The following WDR12 variants were observed in gnomAD, a reference collection of about 807,000 sequenced individuals.
The protein encoded by WDR12 is WD repeat domain 12.
In WDR12, 42 loss-of-function variants were observed where a neutral mutation model predicts 64.3. The ratio of observed to expected loss-of-function variants is 0.65; its 90% confidence interval spans 0.51 to 0.84. The LOEUF (loss-of-function observed/expected upper bound fraction) is 0.84. WDR12 is among the 40% of genes least tolerant of loss of function. WDR12 has a pLI of 0.00. For missense variants in WDR12, 469 were observed against 494.6 expected, an observed-to-expected ratio of 0.95 and a Z score of 0.49; for synonymous variants, 158 against 173.3, an observed-to-expected ratio of 0.91 and a Z score of 0.70.
intron 1 of WDR12, among the ~76,000 whole-genome samples, chr2:202,909,501 A>C (rs1688524419): frequency 6.6e-6 from 1 of 152,186 alleles, no homozygotes. Context: ...AGAGCTAGAA[A>C]GTAGATCAGT....
At chr2:202,890,399 G>A (rs1421009703) in intron 8 of WDR12, among the ~76,000 whole-genome samples, 1 of 152,232 alleles carries the variant, frequency 6.6e-6, no homozygotes, top group African/African-American at 2.4e-5. Flanking sequence ...AGGCAGGCTA[G>A]AGGCAGACAT....
chr2:202,882,841 G>A, intron 11 of WDR12, 58 bp from the exon 12 acceptor site: 2 of 1,537,434 alleles, frequency 1.3e-6, no homozygotes, highest in Non-Finnish European at 1.8e-6. Context: ...ACAAACATTT[G>A]AATAATCACT....
chr2:202,889,200 G>T (rs1231979797), intron 8 of WDR12, among the ~76,000 whole-genome samples: 1 of 152,078 alleles, frequency 6.6e-6, no homozygotes, highest in African/African-American at 2.4e-5. Context: ...TCTCTCAAAC[G>T]AAATGAACTA....
At chr2:202,895,921 A>G in intron 6 of WDR12, 144 bp downstream of exon 6, 3 of 899,242 alleles carry the variant, frequency 3.3e-6, no homozygotes, top group Non-Finnish European at 5.0e-6. Context: ...TTGTATGAGT[A>G]TTTACTCTTG....
rs977589733 is a variant in WDR12, at chr2:202,874,593, A to C, written c.*6267T>G. Among the ~76,000 whole-genome samples the C allele has an allele frequency of 6.6e-6, 1 of 152,252 alleles. No homozygotes were observed. Among genetic ancestry groups the C allele is most frequent in the African/African-American group, 2.4e-5 (1 of 41,478 alleles). On this transcript the variant is annotated 3_prime_UTR_variant, in exon 13 of 13. Coordinates refer to ENST00000261015, the MANE Select transcript of WDR12 (RefSeq NM_018256.4). ...GTTTTGTACTGTTTTACTAAGGATT[A>C]GAGGTCTATTGAATCTGACATCACA...
chr2:202,910,179 G>C (rs1688541617), intron 1 of WDR12, among the ~76,000 whole-genome samples: 1 of 152,092 alleles, frequency 6.6e-6, no homozygotes, highest in Admixed American at 6.6e-5. Flanking sequence ...ATTCATTTCA[G>C]GGGTTAAAAC....
chr2:202,891,669 G>A (rs1688158863), intron 8 of WDR12, among the ~76,000 whole-genome samples: 1 of 151,884 alleles, frequency 6.6e-6, no homozygotes, highest in African/African-American at 2.4e-5. Flanking sequence ...TATTTTATTG[G>A]TGACTATAAG....
At chr2:202,903,502 A>AGGAAGGAC (rs1688393021) in intron 2 of WDR12, among the ~76,000 whole-genome samples, 1 of 78,294 alleles carries the variant, frequency 1.3e-5, no homozygotes, top group African/African-American at 4.7e-5. Context: ...GAAGGAAGGA[A>AGGAAGGAC]GTGAGGGAGG....
intron 4 of WDR12, among the ~76,000 whole-genome samples, chr2:202,899,181 T>A (rs888344750): frequency 2.6e-5 from 4 of 151,650 alleles, no homozygotes; most frequent in African/African-American, 9.7e-5. Flanking sequence ...TAGCGGGGAC[T>A]ACAGGCGCCC....
intron 1 of WDR12, 62 bp downstream of exon 1, chr2:202,911,374 T>C (rs1463167977): frequency 2.6e-6 from 4 of 1,539,514 alleles, no homozygotes; most frequent in Non-Finnish European, 3.6e-6. Context: ...CACAAGGTCA[T>C]ACCAAAGGGG....
chr2:202,909,165 AC>A (rs1355204114), intron 1 of WDR12, among the ~76,000 whole-genome samples: 3 of 152,222 alleles, frequency 2.0e-5, no homozygotes, highest in Non-Finnish European at 4.4e-5. Flanking sequence ...ATTACATCTG[AC>A]CCAAAAACTC....
intron 8 of WDR12, among the ~76,000 whole-genome samples, chr2:202,886,540 G>A (rs1453422879): frequency 6.6e-6 from 1 of 151,964 alleles, no homozygotes; most frequent in Non-Finnish European, 1.5e-5. Flanking sequence ...AGGCCGAGGT[G>A]GGTGATCACC....
Position 202,899,648 on chromosome 2 carries a change from G to A in WDR12, c.232-11C>T, listed in dbSNP as rs376920521. 28 of 1,611,222 alleles carry A rather than the reference G, an allele frequency of 1.7e-5. No homozygotes were observed. Among genetic ancestry groups the A allele is most frequent in the Non-Finnish European group, 2.2e-5 (26 of 1,178,364 alleles). On this transcript the variant is annotated splice_polypyrimidine_tract_variant and intron_variant, in intron 3 of 12. Transcript: ENST00000261015. ...TTCCACAACTTCTTCCTAATCACAA[G>A]AGAAACCAGCAACAAGTCAGGTGGT...
intron 8 of WDR12, among the ~76,000 whole-genome samples, chr2:202,885,047 T>C (rs569516748): frequency 6.6e-6 from 1 of 152,336 alleles, no homozygotes; most frequent in East Asian, 1.9e-4. Flanking sequence ...CTGGCCAGCA[T>C]AGCCTGGGGG....
intron 8 of WDR12, among the ~76,000 whole-genome samples, chr2:202,888,351 G>T (rs1270690616): frequency 6.6e-6 from 1 of 152,116 alleles, no homozygotes; most frequent in Admixed American, 6.5e-5. Context: ...AGGAATGATG[G>T]ACTGTTCTAT....
chr2:202,910,323 G>C (rs1688549427), intron 1 of WDR12, among the ~76,000 whole-genome samples: 1 of 152,086 alleles, frequency 6.6e-6, no homozygotes, highest in Non-Finnish European at 1.5e-5. Flanking sequence ...AGGAGTTCGA[G>C]ACCAGCATGG....
At chr2:202,901,292 G>A (rs1236649965) in intron 2 of WDR12, among the ~76,000 whole-genome samples, 173 bp from the exon 3 acceptor site, 5 of 152,108 alleles carry the variant, frequency 3.3e-5, no homozygotes, top group Non-Finnish European at 1.5e-5. Flanking sequence ...TCTTTTTACT[G>A]TTGTTGGTGT....
Position 202,897,357 on chromosome 2 carries a change from T to C in WDR12, c.397A>G (p.Ile133Val), listed in dbSNP as rs748053346. 19 of 1,598,358 alleles carry C rather than the reference T, an allele frequency of 1.2e-5. No homozygotes were observed. Among genetic ancestry groups the C allele is most frequent in the South Asian group, 1.0e-4 (9 of 88,416 alleles). The change falls in exon 5 of 13, where the codon ATA becomes GTA. Residue 133 changes from isoleucine (I) to valine (V), a missense_variant. Physicochemically the swap from Ile to Val is conservative, Grantham distance 29. Transcript: ENST00000261015. ...TCCGTATGTCCCACAATTGTCATTA[T>C]TGACTTTCCTTCCAAGGACCAGATC... The part of the protein sequence containing the change: ...SRIWSLEGKS[I>V]MTIVGHTDVV...
In WDR12 at chr2:202,880,826, G is replaced by T; in HGVS notation, c.*34C>A. On this transcript the variant is annotated 3_prime_UTR_variant, in exon 13 of 13. Coordinates refer to ENST00000261015, the MANE Select transcript of WDR12 (RefSeq NM_018256.4). ...TGGTTCTCTACCAATTTCATTTACA[G>T]AAATAATCTCTATAGTCAAATTATT... is the stretch of plus-strand genomic sequence containing the variant. 6.3e-7 allele frequency: 1 copy of T among 1,576,666 alleles called. No homozygotes were observed. The highest frequency in any genetic ancestry group is 8.6e-7 in the Non-Finnish European group (1 of 1,156,716).
Sources: allele counts gnomAD v4.1 joint callset (sites outside exome capture counted in the v4.1 genomes callset), GRCh38; gene constraint gnomAD v4.1.1; transcripts MANE v1.5; gene names NCBI Gene and HGNC (gene_info 2026-07-23, HGNC 2026-07-21).